The following PCDHGA5 variants were observed in gnomAD, a reference collection of about 807,000 sequenced individuals.
The protein encoded by PCDHGA5 is protocadherin gamma-A5.
PCDHGA5 carries 36 observed loss-of-function variants against 56.7 expected under a neutral mutation model. That is an observed-to-expected ratio of 0.64 (90% CI 0.49 to 0.84). PCDHGA5 has a LOEUF of 0.84. PCDHGA5 is among the 40% of genes least tolerant of loss of function. PCDHGA5 has a pLI of 0.00. For missense variants in PCDHGA5, 1,305 were observed against 1,201.5 expected, an observed-to-expected ratio of 1.09 and a Z score of -1.27; for synonymous variants, 563 against 520.2, an observed-to-expected ratio of 1.08 and a Z score of -1.12.
intron 1 of PCDHGA5, chr5:141,372,888 T>C: frequency 8.5e-7 from 1 of 1,177,756 alleles, no homozygotes; most frequent in South Asian, 1.6e-5. Context: ...AGAATACAGA[T>C]TAAATATTCC....
At position 141,487,543 on chromosome 5, in the gene PCDHGA5, A is replaced by G. The variant is rs2099649285; in HGVS notation, c.2422-7264A>G. On this transcript the variant is annotated intron_variant, in intron 1 of 3. Coordinates refer to ENST00000518069, the MANE Select transcript of PCDHGA5 (RefSeq NM_018918.3). This position sits in a 1 kb window ranked among gnomAD's most constrained non-coding sequence, Gnocchi z 5.0. ...GTGATAGCTTCATGATGGTGAAGTC[A>G]CCCAGTGCACCTATGGCAGGGGAGC... is the stretch of plus-strand genomic sequence containing the variant. The G allele has an allele frequency of 3.7e-6, 6 of 1,614,114 alleles. No homozygotes were observed. In the South Asian group the frequency reaches 5.5e-5, roughly 15 times the overall value.
chr5:141,415,502 A>AGCCC, intron 1 of PCDHGA5: 1 of 1,614,204 alleles, frequency 6.2e-7, no homozygotes, highest in South Asian at 1.1e-5. Flanking sequence ...ATCTTCCCCC[A>AGCCC]GCCCAATTAT....
intron 1 of PCDHGA5, among the ~76,000 whole-genome samples, chr5:141,472,405 G>A (rs1207849470): frequency 6.6e-6 from 1 of 152,086 alleles, no homozygotes; most frequent in Non-Finnish European, 1.5e-5. Flanking sequence ...GCCAGGCGTG[G>A]TGGCACGCAC....
At chr5:141,394,288 C>T in intron 1 of PCDHGA5, 1 of 1,613,944 alleles carries the variant, frequency 6.2e-7, no homozygotes, top group Non-Finnish European at 8.5e-7. Flanking sequence ...TACTCTGTGA[C>T]CGAGGACACG....
In PCDHGA5 at chr5:141,476,299, C is replaced by G; in HGVS notation, c.2422-18508C>G. On this transcript the variant is annotated intron_variant, in intron 1 of 3. Transcript: ENST00000518069. This position sits in a 1 kb window ranked among gnomAD's most constrained non-coding sequence, Gnocchi z 7.6. The stretch of plus-strand genomic sequence containing the variant: ...ACCTTGGTTTGGATCTCGGTAGCCT[C>G]TCAGCCCGCAGGTTCCGGGTGGTGT... The G allele has an allele frequency of 6.2e-7, 1 of 1,614,100 alleles. No individual in the cohort carries two copies. The highest frequency in any genetic ancestry group is 8.5e-7 in the Non-Finnish European group (1 of 1,180,014).
At position 141,491,423 on chromosome 5, in the gene PCDHGA5, G is replaced by C; in HGVS notation, c.2422-3384G>C. On this transcript the variant is annotated intron_variant, in intron 1 of 3. Transcript: ENST00000518069. The surrounding 1 kb of genome is among the most constrained non-coding windows in gnomAD (Gnocchi z 6.9). ...AACGCAGACGGGGACGGGGGTGGAG[G>C]GCAGTGCTGCAGGCGCCAGGACTCA... 1 of 1,614,126 alleles carries C rather than the reference G, an allele frequency of 6.2e-7. No individual in the cohort carries two copies. Among genetic ancestry groups the C allele is most frequent in the South Asian group, 1.1e-5 (1 of 91,090 alleles).
chr5:141,384,092 T>C, intron 1 of PCDHGA5: 1 of 1,596,242 alleles, frequency 6.3e-7, no homozygotes. Flanking sequence ...GAAAAATCAA[T>C]AGATAATTAT....
At chr5:141,377,254 T>A (rs1332272982) in intron 1 of PCDHGA5, 1 of 149,056 alleles carries the variant, frequency 6.7e-6, no homozygotes, top group Non-Finnish European at 1.5e-5. Flanking sequence ...TGTAAGGTTC[T>A]TTCTTTTTCT....
intron 1 of PCDHGA5, chr5:141,395,096 C>G (rs769366827): frequency 5.6e-6 from 9 of 1,614,186 alleles, no homozygotes; most frequent in Middle Eastern, 1.6e-4. Flanking sequence ...CCCTCACCGC[C>G]GACTCGCGGA....
rs2154591305 is a variant in PCDHGA5, at chr5:141,493,879, G to A, written c.2422-928G>A. Among the ~76,000 whole-genome samples the A allele has an allele frequency of 6.6e-6, 1 of 152,288 alleles. No homozygotes were observed. The highest frequency in any genetic ancestry group is 6.5e-5 in the Admixed American group (1 of 15,302). ...CCCACCCCAGAACCAGTGAGGAGGT[G>A]GCTCTAGGAGTGCTCCATGAGAGTG... On this transcript the variant is annotated intron_variant, in intron 1 of 3. Coordinates refer to ENST00000518069, the MANE Select transcript of PCDHGA5 (RefSeq NM_018918.3). This position sits in a 1 kb window ranked among gnomAD's most constrained non-coding sequence, Gnocchi z 4.3.
chr5:141,489,893 G>A lies in PCDHGA5; in HGVS notation c.2422-4914G>A. ...CTGGTGCTTACTGCTGTGGATGGGG[G>A]GACCCCAGCCCGCTCAGGGACCACC... On this transcript the variant is annotated intron_variant, in intron 1 of 3. Transcript: ENST00000518069. This position sits in a 1 kb window ranked among gnomAD's most constrained non-coding sequence, Gnocchi z 4.5. 6.2e-7 allele frequency: 1 copy of A among 1,614,190 alleles called. No individual in the cohort carries two copies. Among genetic ancestry groups the A allele is most frequent in the South Asian group, 1.1e-5 (1 of 91,084 alleles).
At chr5:141,430,979 C>A (rs370494413) in intron 1 of PCDHGA5, 2 of 1,613,642 alleles carry the variant, frequency 1.2e-6, no homozygotes, top group Non-Finnish European at 1.7e-6. Context: ...TAGGACGCAG[C>A]TTTTCGCCCT....
chr5:141,375,800 A>C, intron 1 of PCDHGA5: 1 of 1,614,162 alleles, frequency 6.2e-7, no homozygotes, highest in Non-Finnish European at 8.5e-7. Context: ...AGACGGTTCC[A>C]CTGGCGTGGA....
chr5:141,449,994 G>T (rs2098661673), intron 1 of PCDHGA5, among the ~76,000 whole-genome samples: 2 of 131,786 alleles, frequency 1.5e-5, no homozygotes, highest in Admixed American at 7.9e-5. Context: ...ATTGCATTTA[G>T]TTGCCATGTC....
At chr5:141,404,437 C>T in intron 1 of PCDHGA5, 3 of 1,613,094 alleles carry the variant, frequency 1.9e-6, no homozygotes, top group Non-Finnish European at 2.5e-6. Context: ...CAGAGGATAC[C>T]ATCCAAGGGT....
chr5:141,487,750 T>A lies in PCDHGA5; in HGVS notation c.2422-7057T>A, dbSNP rs2099664307. On this transcript the variant is annotated intron_variant, in intron 1 of 3. Coordinates refer to ENST00000518069, the MANE Select transcript of PCDHGA5 (RefSeq NM_018918.3). The surrounding 1 kb of genome is among the most constrained non-coding windows in gnomAD (Gnocchi z 5.0). Reference sequence around the variant, plus strand: ...TCACCATTTTTGTAAGAGGTAACTATGTGGTAGACGCTGTGCTTTGTAACT... The same window carrying A: ...TCACCATTTTTGTAAGAGGTAACTAAGTGGTAGACGCTGTGCTTTGTAACT... 1 of 1,555,392 alleles carries A rather than the reference T, an allele frequency of 6.4e-7. No homozygotes were observed. Among genetic ancestry groups the A allele is most frequent in the African/African-American group, 1.4e-5 (1 of 73,376 alleles).
At chr5:141,433,246 T>C (rs775015156) in intron 1 of PCDHGA5, 1 of 1,462,358 alleles carries the variant, frequency 6.8e-7, no homozygotes, top group Non-Finnish European at 9.3e-7. Flanking sequence ...CAAGCTGGAA[T>C]GCAGCGGTAC....
At chr5:141,408,917 C>G in intron 1 of PCDHGA5, 1 of 1,613,366 alleles carries the variant, frequency 6.2e-7, no homozygotes, top group South Asian at 1.1e-5. Flanking sequence ...CAATGATAAC[C>G]CCCCGGTTTT....
At chr5:141,396,060 G>A (rs1309175410) in intron 1 of PCDHGA5, 1 of 152,318 alleles carries the variant, frequency 6.6e-6, no homozygotes, top group East Asian at 1.9e-4. Flanking sequence ...CCAATTAGCT[G>A]TTTCGGTTGT....
Sources: gnomAD v4.1 joint callset for allele counts (sites outside exome capture counted in the v4.1 genomes callset) on GRCh38, gnomAD v4.1.1 for gene constraint, Gnocchi (gnomAD v3.1) non-coding constraint, MANE v1.5 for transcripts, NCBI Gene and HGNC (gene_info 2026-07-23, HGNC 2026-07-21) for gene names.